Variants in PIGP observed in about 807,000 individuals in gnomAD.
The protein encoded by PIGP is phosphatidylinositol N-acetylglucosaminyltransferase subunit P.
Under a neutral mutation model 16.9 loss-of-function variants are expected in PIGP, and 12 were observed. The ratio of observed to expected loss-of-function variants is 0.71; its 90% CI spans 0.46 to 1.15. The LOEUF (loss-of-function observed/expected upper bound fraction) is 1.15, where lower values mean the gene tolerates loss of function less well. PIGP is among the 50% of genes most tolerant of loss of function. The pLI, the probability that PIGP is intolerant of heterozygous loss-of-function variation, is 0.00. For synonymous variants in PIGP, 57 were observed against 54.7 expected, an observed-to-expected ratio of 1.04 and a Z score of -0.18; for missense variants, 159 against 153.5, an observed-to-expected ratio of 1.04 and a Z score of -0.19.
At position 37,067,269 on chromosome 21, in the gene PIGP, T is replaced by C; in HGVS notation, c.267A>G (p.Thr89=). Residue 89 remains threonine, a synonymous_variant, in exon 4 of 5, where the codon ACA becomes ACG. Coordinates refer to ENST00000360525, the MANE Select transcript of PIGP (RefSeq NM_153682.3). ...CCTTTTATATAAAGTTACCTGTGAT[T>C]GTATGGATGGAGTCGAGTGGAGAGG... ...MSTSPLDSIH[T]ITDNYAKNQQ... 6.4e-7 allele frequency: 1 copy of C among 1,559,180 alleles called. No homozygotes were observed. Among genetic ancestry groups the C allele is most frequent in the Admixed American group, 1.7e-5 (1 of 59,892 alleles).
chr21:37,072,410 G>C, intron 2 of PIGP, 24 bp downstream of exon 2: 1 of 1,613,474 alleles, frequency 6.2e-7, no homozygotes, highest in African/African-American at 1.3e-5. Context: ...AAAGCCCCTG[G>C]CCATCCATCA....
At chr21:37,069,421 TTCAA>T (rs1697244870) in intron 3 of PIGP, 127 bp downstream of exon 3, 3 of 522,470 alleles carry the variant, frequency 5.7e-6, no homozygotes, top group Non-Finnish European at 1.0e-5. Context: ...TTAAAAAGCT[TTCAA>T]TTTCTATATG....
chr21:37,066,853 A>C (rs2069911663), intron 4 of PIGP, among the ~76,000 whole-genome samples: 1 of 152,218 alleles, frequency 6.6e-6, no homozygotes, highest in African/African-American at 2.4e-5. Context: ...ATTAATTATA[A>C]TTTATTTCCT....
At chr21:37,067,876 GAAT>G (rs2069933948) in intron 3 of PIGP, among the ~76,000 whole-genome samples, 1 of 151,318 alleles carries the variant, frequency 6.6e-6, no homozygotes, top group African/African-American at 2.4e-5. Flanking sequence ...TTTTTTTCTG[GAAT>G]AATTACATCT....
rs148069538 is a variant in PIGP, at chr21:37,072,464, C to T, written c.52G>A (p.Val18Ile). ...CCAAATTGGGAGCTTAAGAAAAGAA[C>T]AAAGCCATAAATCGCTCTTTCTGGC... ...PLPERAIYGF[V>I]LFLSSQFGFI... The change falls in exon 2 of 5, where the codon GTT becomes ATT. Residue 18 changes from valine (V) to isoleucine (I), a missense_variant. By Grantham distance (29) the Val-to-Ile change is conservative. Coordinates refer to ENST00000360525, the MANE Select transcript of PIGP (RefSeq NM_153682.3). 314 of 1,614,122 alleles carry T rather than the reference C, an allele frequency of 1.9e-4. No individual in the cohort carries two copies. The highest frequency in any genetic ancestry group is 2.8e-4 in the Admixed American group (17 of 60,012).
intron 2 of PIGP, among the ~76,000 whole-genome samples, chr21:37,071,438 A>G (rs189017635): frequency 1.9e-4 from 29 of 152,356 alleles, no homozygotes; most frequent in African/African-American, 5.5e-4. Context: ...AACCATCATT[A>G]TCACTACCCT....
intron 2 of PIGP, among the ~76,000 whole-genome samples, chr21:37,069,871 G>T (rs2069972286): frequency 6.6e-6 from 1 of 151,890 alleles, no homozygotes; most frequent in African/African-American, 2.4e-5. Context: ...GCAATTCAAG[G>T]ATACAAATCA....
intron 4 of PIGP, among the ~76,000 whole-genome samples, chr21:37,066,671 C>G (rs373154798): frequency 3.3e-5 from 5 of 152,140 alleles, no homozygotes; most frequent in Non-Finnish European, 5.9e-5. Flanking sequence ...ATACACACCC[C>G]CAAAGTCCTT....
At chr21:37,068,927 A>T (rs150908345) in intron 3 of PIGP, among the ~76,000 whole-genome samples, 121 of 152,186 alleles carry the variant, frequency 8.0e-4, no homozygotes, top group Non-Finnish European at 1.4e-3. Context: ...CCACACTCAG[A>T]CTTAGTGGCC....
chr21:37,068,550 T>C (rs1474502994), intron 3 of PIGP, among the ~76,000 whole-genome samples: 1 of 152,196 alleles, frequency 6.6e-6, no homozygotes, highest in East Asian at 1.9e-4. Flanking sequence ...TTTCTGCTTT[T>C]TCATTTCATG....
rs2146804114 is a variant in PIGP at position 37,065,626 on chromosome 21, G to A, written c.361C>T (p.Gln121Ter). The change falls in exon 5 of 5, where the codon CAA (glutamine) becomes TAA (stop). Residue 121 changes from glutamine to a stop codon, truncating the protein, a stop_gained. Coordinates refer to ENST00000360525, the MANE Select transcript of PIGP (RefSeq NM_153682.3). LOFTEE classifies it high-confidence loss of function. Reference sequence around the variant, plus strand: ...TCTTTGGCTGCAAGAAAGAACATTTGGTTTACTTCACTAATAGAAATATCT... The same window carrying A: ...TCTTTGGCTGCAAGAAAGAACATTTAGTTTACTTCACTAATAGAAATATCT... The part of the protein sequence containing the change: ...LRDISISEVN[Q>*]MFFLAAKELY... The A allele has an allele frequency of 6.2e-7, 1 of 1,613,066 alleles. No homozygotes were observed. The highest frequency in any genetic ancestry group is 8.5e-7 in the Non-Finnish European group (1 of 1,179,522).
In PIGP at chr21:37,065,446, A is replaced by G; in HGVS notation, c.*136T>C. On this transcript the variant is annotated 3_prime_UTR_variant, in exon 5 of 5. Coordinates refer to ENST00000360525, the MANE Select transcript of PIGP (RefSeq NM_153682.3). ...ACATTTACAATATTCATTGAACATA[A>G]TCTAAGAGAAGGTCAACTTACATTT... 1 of 730,222 alleles carries G rather than the reference A, an allele frequency of 1.4e-6. No individual in the cohort carries two copies. The highest frequency in any genetic ancestry group is 2.2e-6 in the Non-Finnish European group (1 of 455,916). 45.2% of individuals were successfully genotyped at this position (730,222 alleles called of 1,614,324 possible).
At position 37,065,648 on chromosome 21, in the gene PIGP, A is replaced by C. The variant is rs1601120483; in HGVS notation, c.339T>G (p.Asp113Glu). Residue 113 changes from aspartate (D) to glutamate (E), a missense_variant, in exon 5 of 5, where the codon GAT (aspartate) becomes GAG (glutamate). Asp to Glu is a conservative substitution (Grantham distance 45). Coordinates refer to ENST00000360525, the MANE Select transcript of PIGP (RefSeq NM_153682.3). ...YQEEAIPALR[D>E]ISISEVNQMF... ...TTTGGTTTACTTCACTAATAGAAAT[A>C]TCTCTTAAGGCTGGAATGGCCTCCT... 6.2e-7 allele frequency: 1 copy of C among 1,613,352 alleles called. No individual in the cohort carries two copies. Among genetic ancestry groups the C allele is most frequent in the Non-Finnish European group, 8.5e-7 (1 of 1,179,502 alleles).
chr21:37,072,200 T>C (rs1037955008), intron 2 of PIGP: 40 of 1,584,250 alleles, frequency 2.5e-5, no homozygotes, highest in Non-Finnish European at 3.4e-5. Flanking sequence ...CCAGGCTTTA[T>C]CCACTTTGCC....
At chr21:37,071,750 G>T (rs928565449) in intron 2 of PIGP, among the ~76,000 whole-genome samples, 4 of 152,146 alleles carry the variant, frequency 2.6e-5, no homozygotes, top group Non-Finnish European at 4.4e-5. Context: ...AAATCATTTT[G>T]GGGAGAGACT....
chr21:37,070,515 C>G (rs1429589324), intron 2 of PIGP, among the ~76,000 whole-genome samples: 1 of 152,154 alleles, frequency 6.6e-6, no homozygotes, highest in African/African-American at 2.4e-5. Flanking sequence ...CATAGAAGCA[C>G]ATTAGAAGGC....
intron 2 of PIGP, among the ~76,000 whole-genome samples, chr21:37,070,025 A>C (rs551885082): frequency 3.4e-4 from 52 of 152,258 alleles, no homozygotes; most frequent in African/African-American, 1.2e-3. Context: ...GTTCTCATCC[A>C]CCACATACTG....
intron 1 of PIGP, 185 bp downstream of exon 1, chr21:37,072,815 G>A (rs1442138161): frequency 1.9e-6 from 1 of 532,618 alleles, no homozygotes; most frequent in Non-Finnish European, 3.3e-6. Flanking sequence ...TGTGGGAGGG[G>A]AGGGCAGGGA....
At position 37,067,339 on chromosome 21, in the gene PIGP, A is replaced by G. The variant is rs2069923456; in HGVS notation, c.197T>C (p.Ile66Thr). The change falls in exon 4 of 5, where the codon ATA becomes ACA. Residue 66 changes from isoleucine (I) to threonine (T), a missense_variant. Coordinates refer to ENST00000360525, the MANE Select transcript of PIGP (RefSeq NM_153682.3). The stretch of plus-strand genomic sequence containing the variant: ...AAACAAGAGCACGTAGCCAATTACT[A>G]TAGCAATAAGGAGGTAGACAGGTAA... Reference protein sequence around the residue: ...VALPVYLLIAIVIGYVLLFGI... With the variant: ...VALPVYLLIATVIGYVLLFGI... 2 of 1,611,212 alleles carry G rather than the reference A, an allele frequency of 1.2e-6. No homozygotes were observed. Among genetic ancestry groups the G allele is most frequent in the South Asian group, 2.2e-5 (2 of 91,040 alleles).
Sources: gnomAD v4.1 joint callset for allele counts (sites outside exome capture counted in the v4.1 genomes callset) on GRCh38, gnomAD v4.1.1 for gene constraint, MANE v1.5 for transcripts, NCBI Gene and HGNC (gene_info 2026-07-23, HGNC 2026-07-21) for gene names.